COL11A1: variants seen among roughly 807,000 people sequenced by gnomAD.
COL11A1 encodes the protein collagen type XI alpha 1 chain.
In COL11A1, 74 loss-of-function variants were observed where a neutral mutation model predicts 265.2. The ratio of observed to expected loss-of-function variants is 0.28; its 90% confidence interval spans 0.23 to 0.34. The LOEUF is 0.34. Among genes scored for constraint, COL11A1 ranks in the 10% least tolerant of loss-of-function variants. The pLI is 1.00. For synonymous variants in COL11A1, 816 were observed against 727.6 expected (o/e 1.12, Z -1.96); for missense variants, 2,165 against 2,263.6 (o/e 0.96, Z 0.88).
intron 49 of COL11A1, 129 bp downstream of exon 49, chr1:102,920,182 G>T (rs1422301880): frequency 3.5e-5 from 31 of 891,096 alleles, no homozygotes; most frequent in Non-Finnish European, 3.7e-6. Flanking sequence ...ACTACTAGAT[G>T]ACATGTGAAT....
At chr1:103,021,835 C>A in intron 8 of COL11A1, 66 bp from the exon 9 acceptor site, 1 of 1,089,098 alleles carries the variant, frequency 9.2e-7, no homozygotes, top group Middle Eastern at 2.0e-4. Flanking sequence ...TCTTTCTTTT[C>A]TTCTTTTTTT....
rs1271353262 is a variant in COL11A1 at position 103,004,426 on chromosome 1, A to G, written c.1944+18T>C. The G allele has an allele frequency of 6.3e-7, 1 of 1,594,158 alleles. No homozygotes were observed. ...AAAACTAGAAATATTACTTAAAAATAAAAAGTAAGTTGCTTACAGCTTCAC... is the reference window on the plus strand; with the variant it reads ...AAAACTAGAAATATTACTTAAAAATGAAAAGTAAGTTGCTTACAGCTTCAC... On this transcript the variant is annotated intron_variant, in intron 20 of 66. Transcript: ENST00000370096.
chr1:102,892,118 G>A (rs148231256), intron 57 of COL11A1, among the ~76,000 whole-genome samples: 1,759 of 152,166 alleles, frequency 0.012, 15 homozygotes, highest in Non-Finnish European at 0.019. Context: ...ACTGCTTGCC[G>A]CAAGTCCTAA....
chr1:102,918,905 C>A (rs1409804187), intron 49 of COL11A1, among the ~76,000 whole-genome samples: 1 of 152,038 alleles, frequency 6.6e-6, no homozygotes, highest in Non-Finnish European at 1.5e-5. Flanking sequence ...TTTCCCTCTG[C>A]ATTCAAATTC....
intron 21 of COL11A1, 69 bp downstream of exon 21, chr1:103,003,146 T>C: frequency 6.5e-7 from 1 of 1,536,208 alleles, no homozygotes; most frequent in Non-Finnish European, 9.0e-7. Flanking sequence ...ACTGAGGGCT[T>C]TTATGGCCTC....
At chr1:103,039,931 A>G (rs1448094577) in intron 4 of COL11A1, among the ~76,000 whole-genome samples, 1 of 152,154 alleles carries the variant, frequency 6.6e-6, no homozygotes, top group African/African-American at 2.4e-5. Context: ...GCTAGAATAC[A>G]GGGTAATCAG....
At chr1:103,026,357 A>C in intron 5 of COL11A1, 25 bp from the exon 6 acceptor site, 1 of 1,503,448 alleles carries the variant, frequency 6.7e-7, no homozygotes, top group Non-Finnish European at 9.3e-7. Context: ...AAAAAATATC[A>C]GGCAATTGTG....
chr1:102,967,719 G>A (rs539360277), intron 37 of COL11A1, among the ~76,000 whole-genome samples: 1 of 152,184 alleles, frequency 6.6e-6, no homozygotes, highest in South Asian at 2.1e-4. Flanking sequence ...CTCTGTCTGG[G>A]TTATTCTTCC....
intron 4 of COL11A1, among the ~76,000 whole-genome samples, chr1:103,063,667 C>A (rs558255061): frequency 3.4e-4 from 52 of 152,202 alleles, no homozygotes; most frequent in Non-Finnish European, 4.9e-4. Context: ...TCTTCAGACA[C>A]AACACCAAAG....
chr1:103,104,015 G>A (rs887632397), intron 1 of COL11A1, among the ~76,000 whole-genome samples: 5 of 152,012 alleles, frequency 3.3e-5, no homozygotes, highest in South Asian at 4.1e-4. Context: ...TTTTTATGAG[G>A]AAGAGTATTC....
chr1:102,880,267 A>G (rs1418994159), intron 65 of COL11A1, among the ~76,000 whole-genome samples: 1 of 152,228 alleles, frequency 6.6e-6, no homozygotes, highest in East Asian at 1.9e-4. Flanking sequence ...TGGTAAAATA[A>G]TGGAACAATG....
At chr1:103,064,069 C>T (rs1187716381) in intron 4 of COL11A1, among the ~76,000 whole-genome samples, 1 of 152,090 alleles carries the variant, frequency 6.6e-6, no homozygotes, top group Non-Finnish European at 1.5e-5. Context: ...ATGACAAAAA[C>T]TCCTGGAAAA....
chr1:103,006,422 T>G (rs1176531566), intron 15 of COL11A1, 107 bp from the exon 16 acceptor site: 19 of 678,436 alleles, frequency 2.8e-5, no homozygotes, highest in Non-Finnish European at 4.4e-5. Flanking sequence ...TAGCGTTACC[T>G]TAATCATTCA....
intron 4 of COL11A1, among the ~76,000 whole-genome samples, chr1:103,048,107 G>T (rs544538460): frequency 6.6e-6 from 1 of 152,310 alleles, no homozygotes; most frequent in South Asian, 2.1e-4. Context: ...TCAGGATGAT[G>T]CTGGCCTCAT....
chr1:103,083,727 A>G (rs1396944530), intron 1 of COL11A1, among the ~76,000 whole-genome samples: 1 of 152,200 alleles, frequency 6.6e-6, no homozygotes, highest in Admixed American at 6.5e-5. Flanking sequence ...TATTATCTCA[A>G]CTTACCAGTC....
At chr1:102,899,426 A>C (rs538654668) in intron 54 of COL11A1, among the ~76,000 whole-genome samples, 24 of 152,270 alleles carry the variant, frequency 1.6e-4, no homozygotes, top group Middle Eastern at 3.4e-3. Flanking sequence ...GTATATGTTC[A>C]TGCATTCTTA....
intron 4 of COL11A1, among the ~76,000 whole-genome samples, chr1:103,033,689 G>A (rs1321985604): frequency 3.3e-5 from 5 of 152,048 alleles, no homozygotes; most frequent in Admixed American, 3.3e-4. Context: ...CTGTACCAGT[G>A]TTCTTTATTT....
At chr1:103,026,451 A>T in intron 5 of COL11A1, 119 bp from the exon 6 acceptor site, 1 of 733,108 alleles carries the variant, frequency 1.4e-6, no homozygotes. Flanking sequence ...AATTAATGTT[A>T]TTGATGAGTT....
intron 2 of COL11A1, 149 bp from the exon 3 acceptor site, chr1:103,079,020 C>A: frequency 1.6e-6 from 1 of 638,640 alleles, no homozygotes. Context: ...AAATAGGGGT[C>A]CTCCATTAAG....
Sources: allele counts gnomAD v4.1 joint callset (sites outside exome capture counted in the v4.1 genomes callset), GRCh38; gene constraint gnomAD v4.1.1; transcripts MANE v1.5; gene names NCBI Gene and HGNC (gene_info 2026-07-23, HGNC 2026-07-21).